Variants in CNTNAP5 observed in about 807,000 individuals in gnomAD.
CNTNAP5 encodes the protein contactin associated protein family member 5.
In CNTNAP5, 72 loss-of-function variants were observed where a neutral mutation model predicts 150.2. The observed-to-expected ratio is 0.48, with a 90% confidence interval of 0.40 to 0.58. CNTNAP5 has a LOEUF of 0.58. CNTNAP5 is among the 20% of genes least tolerant of loss of function. The pLI is 0.00. For missense variants in CNTNAP5, 1,636 were observed against 1,626.2 expected (o/e 1.01, Z -0.10); for synonymous variants, 672 against 619.8 (o/e 1.08, Z -1.25).
intron 3 of CNTNAP5, among the ~76,000 whole-genome samples, chr2:124,272,409 C>T (rs960006557): frequency 6.6e-6 from 1 of 151,952 alleles, no homozygotes; most frequent in Non-Finnish European, 1.5e-5. Context: ...ATATATATAC[C>T]AGACATTTTT....
chr2:124,210,598 G>T (rs1685979285), intron 1 of CNTNAP5, among the ~76,000 whole-genome samples: 1 of 151,888 alleles, frequency 6.6e-6, no homozygotes, highest in South Asian at 2.1e-4. Flanking sequence ...GGTCTTGTTA[G>T]CACAGTCTCT....
chr2:124,725,969 TA>T (rs773422822), intron 13 of CNTNAP5, among the ~76,000 whole-genome samples: 15 of 151,994 alleles, frequency 9.9e-5, no homozygotes, highest in Non-Finnish European at 1.6e-4. Context: ...CGTGTGTGTA[TA>T]TATATATGAT....
At chr2:124,255,163 G>A (rs1204497624) in intron 3 of CNTNAP5, among the ~76,000 whole-genome samples, 1 of 152,106 alleles carries the variant, frequency 6.6e-6, no homozygotes, top group African/African-American at 2.4e-5. Flanking sequence ...TGAGGCAGAA[G>A]GATTGCTTAA....
At chr2:124,882,593 C>G (rs894113682) in intron 21 of CNTNAP5, among the ~76,000 whole-genome samples, 5 of 152,056 alleles carry the variant, frequency 3.3e-5, no homozygotes, top group Non-Finnish European at 1.5e-5. Flanking sequence ...CTCTGTCTAG[C>G]GTATGCAGAG....
intron 11 of CNTNAP5, among the ~76,000 whole-genome samples, chr2:124,586,428 G>T (rs933848064): frequency 6.6e-6 from 1 of 152,190 alleles, no homozygotes; most frequent in Non-Finnish European, 1.5e-5. Context: ...GTGCTGGCCT[G>T]CCTGCAGGAC....
chr2:124,264,659 T>G (rs1277018502), intron 3 of CNTNAP5, among the ~76,000 whole-genome samples: 2 of 152,076 alleles, frequency 1.3e-5, no homozygotes. Context: ...TGGGGTGGGA[T>G]GGAATGAGAC....
chr2:124,575,337 G>A (rs1209108574), intron 11 of CNTNAP5, among the ~76,000 whole-genome samples: 2 of 152,120 alleles, frequency 1.3e-5, no homozygotes, highest in East Asian at 1.9e-4. Flanking sequence ...TTATATCATT[G>A]CCCAACTTCA....
At chr2:124,643,796 T>C (rs1678145722) in intron 12 of CNTNAP5, among the ~76,000 whole-genome samples, 1 of 152,238 alleles carries the variant, frequency 6.6e-6, no homozygotes, top group South Asian at 2.1e-4. Flanking sequence ...TTATGAAACT[T>C]GCCAAAAGCT....
At chr2:124,505,547 A>G (rs1272408816) in intron 8 of CNTNAP5, among the ~76,000 whole-genome samples, 1 of 152,164 alleles carries the variant, frequency 6.6e-6, no homozygotes, top group African/African-American at 2.4e-5. Context: ...ATGGTCCTCA[A>G]ATGGCCAAAA....
chr2:124,207,701 T>C (rs1022174005), intron 1 of CNTNAP5, among the ~76,000 whole-genome samples: 1 of 152,202 alleles, frequency 6.6e-6, no homozygotes, highest in Non-Finnish European at 1.5e-5. Context: ...TCTCATGTTA[T>C]TTGATTGCTA....
chr2:124,707,140 GGAAGAAGAAGAAGAAGAA>G (rs76714465), intron 13 of CNTNAP5, among the ~76,000 whole-genome samples: 12,365 of 86,214 alleles, frequency 0.14, 1,451 homozygotes, highest in Admixed American at 0.23. Context: ...AAGAAGAAGA[GGAAGAAGAAGAAGAAGAA>G]GAAGAAGAAG....
chr2:124,029,290 A>G (rs1680977868), intron 1 of CNTNAP5, among the ~76,000 whole-genome samples: 1 of 152,126 alleles, frequency 6.6e-6, no homozygotes, highest in Non-Finnish European at 1.5e-5. Flanking sequence ...ATCAATAGAT[A>G]ATATTAAAAA....
intron 13 of CNTNAP5, among the ~76,000 whole-genome samples, chr2:124,714,142 A>G (rs35373756): frequency 0.16 from 24,693 of 151,974 alleles, 2,274 homozygotes; most frequent in East Asian, 0.24. Context: ...TCCATGCATT[A>G]TGAAATACTT....
chr2:124,915,373 C>A lies in CNTNAP5; in HGVS notation c.*1085C>A, dbSNP rs1489425010. On this transcript the variant is annotated 3_prime_UTR_variant, in exon 24 of 24. Coordinates refer to ENST00000682447, the MANE Select transcript of CNTNAP5 (RefSeq NM_001367498.1). ...AAATCAGGAAAAAATGAAAAAAAAA[C>A]TGCATGAAAGAAGAAAAATACCAAA... 6.0e-6 allele frequency: 1 copy of A among 166,176 alleles called. No homozygotes were observed. The highest frequency in any genetic ancestry group is 2.4e-5 in the African/African-American group (1 of 41,334). 10.3% of individuals were successfully genotyped at this position (166,176 alleles called of 1,614,324 possible).
intron 3 of CNTNAP5, among the ~76,000 whole-genome samples, chr2:124,298,350 G>T (rs1388350675): frequency 3.9e-5 from 6 of 152,156 alleles, no homozygotes; most frequent in Non-Finnish European, 5.9e-5. Context: ...AGCTGGGAAA[G>T]AAGGGAGTTT....
intron 1 of CNTNAP5, among the ~76,000 whole-genome samples, chr2:124,179,645 A>G (rs1400466489): frequency 6.6e-6 from 1 of 152,254 alleles, no homozygotes; most frequent in Non-Finnish European, 1.5e-5. Context: ...ATCATTCAAG[A>G]TGAAAATGCT....
chr2:124,839,272 T>C (rs981474066), intron 19 of CNTNAP5, among the ~76,000 whole-genome samples: 1 of 152,028 alleles, frequency 6.6e-6, no homozygotes, highest in Admixed American at 6.6e-5. Context: ...GTATATTTTA[T>C]ACAGAGTATA....
chr2:124,567,156 T>G (rs1696042416), intron 11 of CNTNAP5, among the ~76,000 whole-genome samples: 1 of 152,126 alleles, frequency 6.6e-6, no homozygotes, highest in African/African-American at 2.4e-5. Flanking sequence ...TTAGGACAGA[T>G]AGGATTAACT....
chr2:124,153,754 C>A (rs1029395643), intron 1 of CNTNAP5, among the ~76,000 whole-genome samples: 1 of 151,540 alleles, frequency 6.6e-6, no homozygotes, highest in African/African-American at 2.4e-5. Context: ...AGATTACAGG[C>A]GTATGCCACC....
Sources: allele counts gnomAD v4.1 joint callset (sites outside exome capture counted in the v4.1 genomes callset), GRCh38; gene constraint gnomAD v4.1.1; transcripts MANE v1.5; gene names NCBI Gene and HGNC (gene_info 2026-07-23, HGNC 2026-07-21).